The following GSE1 variants were observed in gnomAD, a reference collection of about 807,000 sequenced individuals.
GSE1 encodes the protein genetic suppressor element 1.
GSE1 carries 32 observed loss-of-function variants against 112.6 expected under a neutral mutation model. The observed-to-expected ratio is 0.28, with a 90% CI of 0.21 to 0.38. The LOEUF (loss-of-function observed/expected upper bound fraction) is 0.38. GSE1 is among the 10% of genes least tolerant of loss of function. The pLI is 1.00. For synonymous variants in GSE1, 1,115 were observed against 735.6 expected, an observed-to-expected ratio of 1.52 and a Z score of -8.35; for missense variants, 2,348 against 1,699.2, an observed-to-expected ratio of 1.38 and a Z score of -6.71.
intron 2 of GSE1, among the ~76,000 whole-genome samples, chr16:85,422,731 C>A (rs1254985132): frequency 2.0e-5 from 3 of 152,004 alleles, no homozygotes; most frequent in Non-Finnish European, 2.9e-5. Flanking sequence ...CGCTTGGGGA[C>A]TTGGGAGGCC....
chr16:85,269,012 T>A lies in GSE1; in HGVS notation c.2284-88451T>A, dbSNP rs537698757. Among the ~76,000 whole-genome samples, 7 of 149,128 alleles carry A rather than the reference T, an allele frequency of 4.7e-5. No individual in the cohort carries two copies. In the East Asian group the frequency reaches 7.7e-4, roughly 16 times the overall value. ...GCCAGGAGGGAGGAAAGGATGGATC[T>A]GTGATGTCTTCTGAGTCAAGGGCTT... On this transcript the variant is annotated intron_variant, in intron 1 of 2. Coordinates refer to the GSE1 transcript ENST00000637419.
chr16:85,668,772 C>A (rs935306231), intron 14 of GSE1, among the ~76,000 whole-genome samples: 2 of 152,216 alleles, frequency 1.3e-5, no homozygotes, highest in African/African-American at 4.8e-5. Flanking sequence ...ATTTGCTGAG[C>A]CCTGGCAGCT....
At chr16:85,605,152 A>G (rs1277901498) in intron 1 of GSE1, among the ~76,000 whole-genome samples, 1 of 151,508 alleles carries the variant, frequency 6.6e-6, no homozygotes, top group Non-Finnish European at 1.5e-5. Flanking sequence ...GAAGCCAGGG[A>G]CTTGGGTGGC....
chr16:85,301,658 G>T lies in GSE1; in HGVS notation c.2284-55805G>T, dbSNP rs535605426. 1.7e-3 allele frequency among the ~76,000 whole-genome samples: 261 copies of T among 152,314 alleles called. 2 individuals carry two copies. Among genetic ancestry groups the T allele is most frequent in the African/African-American group, 6.0e-3 (251 of 41,568 alleles). On this transcript the variant is annotated intron_variant, in intron 1 of 2. Transcript: ENST00000637419. Reference sequence around the variant, plus strand: ...GACATCTGTCCCTCGTCTCGGCTCTGTTGCCATCTGTGTTTCCTTTGCCTC... The same window carrying T: ...GACATCTGTCCCTCGTCTCGGCTCTTTTGCCATCTGTGTTTCCTTTGCCTC...
At chr16:85,188,536 A>G (rs962048034) in intron 1 of GSE1, among the ~76,000 whole-genome samples, 1 of 152,026 alleles carries the variant, frequency 6.6e-6, no homozygotes, top group African/African-American at 2.4e-5. Context: ...AGGGGAGGCC[A>G]GGCACAGTGG....
chr16:85,654,124 G>A (rs955781740), intron 3 of GSE1, among the ~76,000 whole-genome samples, 154 bp from the exon 4 acceptor site: 1 of 152,140 alleles, frequency 6.6e-6, no homozygotes, highest in African/African-American at 2.4e-5. Flanking sequence ...CACACCACAT[G>A]CACCATGTTT....
At chr16:85,495,317 G>A (rs1443000555) in intron 2 of GSE1, among the ~76,000 whole-genome samples, 1 of 152,058 alleles carries the variant, frequency 6.6e-6, no homozygotes, top group African/African-American at 2.4e-5. Flanking sequence ...TGGGAGTCCC[G>A]GCCTGTGGTT....
In GSE1 at chr16:85,559,652, GGCTCTGCCT is replaced by G. The variant is rs1476772754; in HGVS notation, c.37+3290_37+3298del. ...AGGCTGGGCAGTAGGTTTGAAGTCA[GGCTCTGCCT>G]CTCCTGAGCTGTGTCCTTGGGCGGG... On this transcript the variant is annotated intron_variant, in intron 1 of 2. Transcript: ENST00000635906. 2.8e-5 allele frequency among the ~76,000 whole-genome samples: 3 copies of G among 107,024 alleles called. No homozygotes were observed. The Admixed American group carries it at 3.3e-4, about 12-fold the overall frequency. 70.2% of individuals were successfully genotyped at this position (107,024 alleles called of 152,430 possible).
intron 1 of GSE1, among the ~76,000 whole-genome samples, chr16:85,562,563 C>T (rs377002299): frequency 1.3e-5 from 2 of 152,360 alleles, no homozygotes; most frequent in East Asian, 1.9e-4. Flanking sequence ...GCGTGTCCTT[C>T]TACGCAGGGG....
Position 85,676,164 on chromosome 16 carries a change from T to C in GSE1, c.*3625T>C, listed in dbSNP as rs2053662414. 1 of 152,690 alleles carries C rather than the reference T, an allele frequency of 6.5e-6. No individual in the cohort carries two copies. The highest frequency in any genetic ancestry group is 1.5e-5 in the Non-Finnish European group (1 of 68,050). 9.5% of individuals were successfully genotyped at this position (152,690 alleles called of 1,614,324 possible). ...TATTTATGAATATATTGCTGTAATT[T>C]CTGACAACATCCAAAAAATAAAATC... On this transcript the variant is annotated 3_prime_UTR_variant, in exon 16 of 16. Transcript: ENST00000253458.
intron 2 of GSE1, among the ~76,000 whole-genome samples, chr16:85,497,146 G>T (rs753967767): frequency 1.3e-5 from 2 of 152,158 alleles, no homozygotes; most frequent in Non-Finnish European, 2.9e-5. Flanking sequence ...TGATCCACCC[G>T]CCTCAGCCTC....
At chr16:85,198,444 G>T (rs2074969200) in intron 1 of GSE1, among the ~76,000 whole-genome samples, 1 of 152,184 alleles carries the variant, frequency 6.6e-6, no homozygotes. Flanking sequence ...ACACAGACCA[G>T]AGTCCCCGGC....
intron 1 of GSE1, among the ~76,000 whole-genome samples, chr16:85,564,765 G>A (rs2045666521): frequency 6.6e-6 from 1 of 152,186 alleles, no homozygotes; most frequent in Non-Finnish European, 1.5e-5. Flanking sequence ...CAGGCAGAGG[G>A]AGCCTGTGCG....
At chr16:85,180,485 G>A (rs375530132) in intron 1 of GSE1, among the ~76,000 whole-genome samples, 1 of 152,248 alleles carries the variant, frequency 6.6e-6, no homozygotes, top group Non-Finnish European at 1.5e-5. Flanking sequence ...GCAAGGGGAC[G>A]CCAGTGTCAG....
At chr16:85,365,056 C>T (rs1191888222) in intron 2 of GSE1, among the ~76,000 whole-genome samples, 2 of 152,204 alleles carry the variant, frequency 1.3e-5, no homozygotes, top group Non-Finnish European at 2.9e-5. Flanking sequence ...TGGGAGCTCT[C>T]ATCTTTGGGG....
At chr16:85,339,045 G>A (rs2046566086) in intron 1 of GSE1, among the ~76,000 whole-genome samples, 1 of 152,176 alleles carries the variant, frequency 6.6e-6, no homozygotes, top group Non-Finnish European at 1.5e-5. Context: ...CCCCACCGCT[G>A]TGACTGTCAT....
In GSE1 at chr16:85,266,069, C is replaced by T. The variant is rs1329359194; in HGVS notation, c.2284-91394C>T. Among the ~76,000 whole-genome samples the T allele has an allele frequency of 3.9e-5, 6 of 152,180 alleles. No individual in the cohort carries two copies. In the South Asian group the frequency reaches 6.2e-4, roughly 16 times the overall value. Reference sequence around the variant, plus strand: ...TGGGCTCTGGAGTGAGGAAGGGAATCGCTCATGCTGTCATGGGAAGGCCGT... The same window carrying T: ...TGGGCTCTGGAGTGAGGAAGGGAATTGCTCATGCTGTCATGGGAAGGCCGT... On this transcript the variant is annotated intron_variant, in intron 1 of 2. Coordinates refer to the GSE1 transcript ENST00000637419.
chr16:85,413,717 G>A (rs1220766298), intron 2 of GSE1, among the ~76,000 whole-genome samples: 3 of 152,082 alleles, frequency 2.0e-5, no homozygotes, highest in Non-Finnish European at 4.4e-5. Flanking sequence ...AATCCTAATG[G>A]TTACTCCCAG....
At chr16:85,474,271 C>A (rs910986364) in intron 2 of GSE1, among the ~76,000 whole-genome samples, 62 of 152,210 alleles carry the variant, frequency 4.1e-4, no homozygotes, top group Non-Finnish European at 1.3e-4. Flanking sequence ...CAGCCTCCAC[C>A]CCGCCGGCCC....
Sources: gnomAD v4.1 joint callset for allele counts (sites outside exome capture counted in the v4.1 genomes callset) on GRCh38, gnomAD v4.1.1 for gene constraint, MANE v1.5 for transcripts, NCBI Gene and HGNC (gene_info 2026-07-23, HGNC 2026-07-21) for gene names.